The following TFAP4 variants were observed in gnomAD, a reference collection of about 807,000 sequenced individuals.
TFAP4 encodes the protein transcription factor AP-4, also known as activating enhancer-binding protein 4.
A neutral mutation model predicts 40.4 loss-of-function variants in TFAP4; 7 were observed. The observed-to-expected ratio is 0.17, with a 90% confidence interval of 0.10 to 0.33. The LOEUF (loss-of-function observed/expected upper bound fraction) is 0.33. Ranked by LOEUF, TFAP4 falls within the 10% of genes least tolerant of loss-of-function variation. TFAP4 has a pLI of 1.00. For synonymous variants in TFAP4, 218 were observed against 181.4 expected, an observed-to-expected ratio of 1.20 and a Z score of -1.62; for missense variants, 374 against 451.1, an observed-to-expected ratio of 0.83 and a Z score of 1.55.
chr16:4,272,838 G>C lies in TFAP4; in HGVS notation c.-92C>G, dbSNP rs556544459. On this transcript the variant is annotated 5_prime_UTR_variant, in exon 1 of 7. Coordinates refer to ENST00000204517, the MANE Select transcript of TFAP4 (RefSeq NM_003223.3). ...TCCGAATCAAAGGGCAGCGCCGGACGGAGGTGCAGAATCGGCCGGTCCCAG... is the reference window on the plus strand; with the variant it reads ...TCCGAATCAAAGGGCAGCGCCGGACCGAGGTGCAGAATCGGCCGGTCCCAG... 120 of 1,224,456 alleles carry C rather than the reference G, an allele frequency of 9.8e-5. No homozygotes were observed. The highest frequency in any genetic ancestry group is 2.6e-4 in the Middle Eastern group (1 of 3,888). 75.8% of individuals were successfully genotyped at this position (1,224,456 alleles called of 1,614,324 possible).
At chr16:4,259,539 G>C (rs2052927181) in intron 6 of TFAP4, among the ~76,000 whole-genome samples, 1 of 152,178 alleles carries the variant, frequency 6.6e-6, no homozygotes, top group Non-Finnish European at 1.5e-5. Context: ...AATTCGAGGA[G>C]ATTGATGGAT....
chr16:4,270,173 T>G (rs2053030170), intron 1 of TFAP4, among the ~76,000 whole-genome samples: 1 of 150,628 alleles, frequency 6.6e-6, no homozygotes, highest in Non-Finnish European at 1.5e-5. Context: ...TGAGACTCCG[T>G]CTCAAAAAAA....
chr16:4,260,864 A>C (rs1239335670), intron 4 of TFAP4, among the ~76,000 whole-genome samples: 1 of 152,218 alleles, frequency 6.6e-6, no homozygotes, highest in Non-Finnish European at 1.5e-5. Context: ...TTGGTTAACT[A>C]TGAGACTCAA....
Position 4,260,154 on chromosome 16 carries a change from A to G in TFAP4, c.758T>C (p.Met253Thr), listed in dbSNP as rs1342247848. 2 of 1,380,294 alleles carry G rather than the reference A, an allele frequency of 1.4e-6. No homozygotes were observed. The highest frequency in any genetic ancestry group is 2.3e-5 in the South Asian group (2 of 87,710). 85.5% of individuals were successfully genotyped at this position (1,380,294 alleles called of 1,614,324 possible). A position where few individuals can be genotyped will look rare whatever the true frequency, so the allele number is the denominator to read the frequency against. The change falls in exon 6 of 7, where the codon ATG becomes ACG. Residue 253 changes from methionine to threonine, a missense_variant. Around this residue, in one of 6 missense-constraint regions of TFAP4, gnomAD observed 161 missense variants for 154.2 expected, o/e 1.04. Transcript: ENST00000204517. The part of the protein sequence containing the change: ...PPSHHINVVT[M>T]GPSSVINSVS... ...AGAGTTGATGACCGAGGAGGGGCCC[A>G]TGGTGACGACATTGATGTGGTGGGA...
chr16:4,257,883 T>G lies in TFAP4; in HGVS notation c.*172A>C. 2 of 656,418 alleles carry G rather than the reference T, an allele frequency of 3.0e-6. No individual in the cohort carries two copies. Among genetic ancestry groups the G allele is most frequent in the Non-Finnish European group, 4.9e-6 (2 of 405,586 alleles). The allele number at this position is 656,418 out of a possible 1,614,324, so 40.7% of individuals were successfully genotyped here. A position where few individuals can be genotyped will look rare whatever the true frequency, so the allele number is the denominator to read the frequency against. On this transcript the variant is annotated 3_prime_UTR_variant, in exon 7 of 7. Transcript: ENST00000204517. ...GACACCCCAGCCCCGGGACCTCGGGTTGAGTGGCTTCGTTCAAAGGTCGAT... is the reference window on the plus strand; with the variant it reads ...GACACCCCAGCCCCGGGACCTCGGGGTGAGTGGCTTCGTTCAAAGGTCGAT...
chr16:4,266,768 G>A (rs1162198898), intron 1 of TFAP4: 2 of 152,132 alleles, frequency 1.3e-5, no homozygotes, highest in Non-Finnish European at 1.5e-5. Flanking sequence ...GTCTGTAAAC[G>A]TCCTACACAC....
intron 1 of TFAP4, among the ~76,000 whole-genome samples, chr16:4,269,606 T>C (rs2053025262): frequency 6.8e-6 from 1 of 147,838 alleles, no homozygotes; most frequent in Non-Finnish European, 1.5e-5. Flanking sequence ...GATCAGGAGA[T>C]CGAGACCATC....
chr16:4,272,579 C>G, intron 1 of TFAP4, 79 bp downstream of exon 1: 1 of 1,146,648 alleles, frequency 8.7e-7, no homozygotes, highest in Admixed American at 2.7e-5. Flanking sequence ...GCCATGCGTG[C>G]GCACACGCGC....
intron 1 of TFAP4, among the ~76,000 whole-genome samples, chr16:4,268,755 G>C (rs922034466): frequency 6.6e-6 from 1 of 151,562 alleles, no homozygotes; most frequent in African/African-American, 2.4e-5. Flanking sequence ...TTCACACCCG[G>C]CTAGTTTTTT....
At position 4,257,978 on chromosome 16, in the gene TFAP4, C is replaced by G. The variant is rs922177701; in HGVS notation, c.*77G>C. On this transcript the variant is annotated 3_prime_UTR_variant, in exon 7 of 7. Coordinates refer to ENST00000204517, the MANE Select transcript of TFAP4 (RefSeq NM_003223.3). ...CGTAATTTTGTAAAAATTTCTCACT[C>G]ATTCGCCCATGTCTCTCCCTGTGGC... 2 of 1,396,784 alleles carry G rather than the reference C, an allele frequency of 1.4e-6. No individual in the cohort carries two copies. Among genetic ancestry groups the G allele is most frequent in the Non-Finnish European group, 1.9e-6 (2 of 1,028,752 alleles). The allele number at this position is 1,396,784 out of a possible 1,614,324, so 86.5% of individuals were successfully genotyped here. A position where few individuals can be genotyped will look rare whatever the true frequency, so the allele number is the denominator to read the frequency against.
chr16:4,268,320 C>T (rs548755359), intron 1 of TFAP4, among the ~76,000 whole-genome samples: 13 of 152,170 alleles, frequency 8.5e-5, no homozygotes, highest in South Asian at 4.1e-4. Context: ...ATCCCAGCTA[C>T]TCGGGAGGTC....
intron 2 of TFAP4, 34 bp downstream of exon 2, chr16:4,262,502 G>A (rs775943575): frequency 3.1e-6 from 5 of 1,612,890 alleles, no homozygotes; most frequent in East Asian, 2.2e-5. Context: ...GAACCTGCCG[G>A]CTCCTCCAGG....
chr16:4,272,958 G>A lies in TFAP4; in HGVS notation c.-212C>T, dbSNP rs1364968679. The A allele has an allele frequency of 1.0e-4, 3 of 29,494 alleles. No individual in the cohort carries two copies. The highest frequency in any genetic ancestry group is 1.9e-4 in the Non-Finnish European group (3 of 16,204). 1.8% of individuals were successfully genotyped at this position (29,494 alleles called of 1,614,324 possible). On this transcript the variant is annotated 5_prime_UTR_variant, in exon 1 of 7. Coordinates refer to ENST00000204517, the MANE Select transcript of TFAP4 (RefSeq NM_003223.3). ...CCTGCCTCCCCGGGCGTGTGTATGT[G>A]TGTGTGTGTGTGTGTGTGTGTGTGT...
chr16:4,258,375 C>T, intron 6 of TFAP4, 126 bp from the exon 7 acceptor site: 1 of 929,340 alleles, frequency 1.1e-6, no homozygotes, highest in Admixed American at 2.9e-5. Context: ...CCTGGCAAAG[C>T]AGCAGGGGAG....
intron 1 of TFAP4, among the ~76,000 whole-genome samples, chr16:4,271,340 G>A (rs1207555565): frequency 6.6e-6 from 1 of 152,214 alleles, no homozygotes; most frequent in East Asian, 1.9e-4. Context: ...AGACTGCCTC[G>A]GGCGGCAGAG....
At chr16:4,263,897 G>C (rs1291583799) in intron 1 of TFAP4, 2 of 152,872 alleles carry the variant, frequency 1.3e-5, no homozygotes, top group Non-Finnish European at 2.9e-5. Context: ...GGTTGGGCTT[G>C]TGTGTGGCCT....
chr16:4,263,285 A>G (rs1268422967), intron 1 of TFAP4: 2 of 153,238 alleles, frequency 1.3e-5, no homozygotes, highest in African/African-American at 4.8e-5. Context: ...GAGCTTAGAA[A>G]CTATGCAGAC....
chr16:4,269,967 G>A (rs1041060218), intron 1 of TFAP4, among the ~76,000 whole-genome samples: 2 of 152,102 alleles, frequency 1.3e-5, no homozygotes, highest in African/African-American at 4.8e-5. Context: ...GATCACCTGA[G>A]GTCAGGGGTT....
intron 4 of TFAP4, 124 bp from the exon 5 acceptor site, chr16:4,260,719 G>T: frequency 1.8e-6 from 2 of 1,141,748 alleles, no homozygotes; most frequent in Non-Finnish European, 2.3e-6. Context: ...CTCAACAGAG[G>T]CCAGAAGCCT....
Sources: allele counts gnomAD v4.1 joint callset (sites outside exome capture counted in the v4.1 genomes callset), GRCh38; gene constraint gnomAD v4.1.1; regional missense constraint gnomAD v4.1.1; transcripts MANE v1.5; gene names NCBI Gene and HGNC (gene_info 2026-07-23, HGNC 2026-07-21).